Variants in ULK2 observed in about 807,000 individuals in gnomAD.
The protein encoded by ULK2 is unc-51 like autophagy activating kinase 2.
Under a neutral mutation model 127.5 loss-of-function variants are expected in ULK2, and 76 were observed. The ratio of observed to expected loss-of-function variants is 0.60; its 90% CI spans 0.50 to 0.72. The LOEUF (loss-of-function observed/expected upper bound fraction) is 0.72. Among genes scored for constraint, ULK2 ranks in the 30% least tolerant of loss-of-function variants. The pLI is 0.00. For synonymous variants in ULK2, 452 were observed against 461.9 expected, an observed-to-expected ratio of 0.98 and a Z score of 0.28; for missense variants, 1,144 against 1,295.9, an observed-to-expected ratio of 0.88 and a Z score of 1.80.
chr17:19,830,540 T>A lies in ULK2; in HGVS notation c.788-4354A>T, dbSNP rs999099260. 3.3e-5 allele frequency among the ~76,000 whole-genome samples: 5 copies of A among 151,486 alleles called. 1 individual carries two copies. Among genetic ancestry groups the A allele is most frequent in the Admixed American group, 1.3e-4 (2 of 15,166 alleles). ...AGATTGTAATCACGGTGACTGATTA[T>A]CTTTTCCAATCACAATGGAATAAAA... On this transcript the variant is annotated intron_variant, in intron 10 of 26. Coordinates refer to ENST00000395544, the MANE Select transcript of ULK2 (RefSeq NM_014683.4).
chr17:19,828,052 T>C (rs966437133), intron 10 of ULK2, among the ~76,000 whole-genome samples: 9 of 152,016 alleles, frequency 5.9e-5, no homozygotes, highest in African/African-American at 2.2e-4. Flanking sequence ...GGATCCTTAA[T>C]AAGAATATCA....
rs2086786305 is a variant in ULK2, at chr17:19,774,748, C to T, written c.*1601G>A. 1 of 152,564 alleles carries T rather than the reference C, an allele frequency of 6.6e-6. No individual in the cohort carries two copies. 9.5% of individuals were successfully genotyped at this position (152,564 alleles called of 1,614,324 possible). A position where few individuals can be genotyped will look rare whatever the true frequency, so the allele number is the denominator to read the frequency against. ...TATGTACCCAGCTACACCCTAGAAACACTTTGTCAGTTTTATTTTACCTTA... is the reference window on the plus strand; with the variant it reads ...TATGTACCCAGCTACACCCTAGAAATACTTTGTCAGTTTTATTTTACCTTA... On this transcript the variant is annotated 3_prime_UTR_variant, in exon 27 of 27. Transcript: ENST00000395544.
At chr17:19,827,948 T>C (rs2041337879) in intron 10 of ULK2, among the ~76,000 whole-genome samples, 1 of 148,134 alleles carries the variant, frequency 6.8e-6, no homozygotes, top group South Asian at 2.1e-4. Flanking sequence ...AACTTTAAGA[T>C]AAACTGATGA....
At chr17:19,802,638 CTG>C (rs1178911724) in intron 15 of ULK2, among the ~76,000 whole-genome samples, 7 of 152,266 alleles carry the variant, frequency 4.6e-5, no homozygotes, top group African/African-American at 1.4e-4. Flanking sequence ...AGATGTGTAA[CTG>C]TGAAAGGAAG....
intron 3 of ULK2, among the ~76,000 whole-genome samples, chr17:19,853,208 C>T (rs1423275439): frequency 1.3e-5 from 2 of 150,420 alleles, no homozygotes; most frequent in Admixed American, 6.7e-5. Flanking sequence ...GATGTTGGCT[C>T]ACTGTAACCT....
At chr17:19,831,869 T>C (rs1417319450) in intron 10 of ULK2, among the ~76,000 whole-genome samples, 1 of 151,914 alleles carries the variant, frequency 6.6e-6, no homozygotes, top group Non-Finnish European at 1.5e-5. Context: ...CTCACACTTG[T>C]AATCCCAGTA....
intron 14 of ULK2, among the ~76,000 whole-genome samples, chr17:19,808,825 T>G (rs908948894): frequency 6.6e-6 from 1 of 152,346 alleles, no homozygotes. Context: ...CACTGTTGGT[T>G]GGACTGTAAA....
At position 19,810,426 on chromosome 17, in the gene ULK2, A is replaced by G; in HGVS notation, c.1109T>C (p.Val370Ala). The change falls in exon 14 of 27, where the codon GTG (valine) becomes GCG (alanine). Residue 370 changes from valine (V) to alanine (A), a missense_variant. By Grantham distance (64) the Val-to-Ala change is moderately conservative. Around this residue, in one of 2 missense-constraint regions of ULK2, gnomAD observed 913 missense variants for 970.5 expected, o/e 0.94. Transcript: ENST00000395544. ...ISSDHSCDMP[V>A]GTAGRRASNE... Reference sequence around the variant, plus strand: ...TGAAGCACGTCTGCCAGCAGTCCCCACTGGCATATCACCTAAAGGAGAGAA... The same window carrying G: ...TGAAGCACGTCTGCCAGCAGTCCCCGCTGGCATATCACCTAAAGGAGAGAA... The G allele has an allele frequency of 1.2e-6, 2 of 1,607,486 alleles. No individual in the cohort carries two copies. Among genetic ancestry groups the G allele is most frequent in the South Asian group, 1.1e-5 (1 of 90,540 alleles).
At chr17:19,795,373 A>AAAAAT (rs869311186) in intron 20 of ULK2, among the ~76,000 whole-genome samples, 5 of 150,580 alleles carry the variant, frequency 3.3e-5, no homozygotes, top group African/African-American at 7.3e-5. Flanking sequence ...AAAAAAAAAA[A>AAAAAT]TCTTCGTCAG....
intron 14 of ULK2, among the ~76,000 whole-genome samples, chr17:19,807,183 T>C (rs1445706743): frequency 6.6e-6 from 1 of 152,178 alleles, no homozygotes; most frequent in Non-Finnish European, 1.5e-5. Flanking sequence ...CTCATGCTCA[T>C]GAGGCTGTGT....
rs1224518708 is a variant in ULK2, at chr17:19,772,687, A to C, written c.*3662T>G. ...AAAACATGTGCTAACCACTAATATC[A>C]ACATTAAGGATAGCCCGGGCGCGGT... On this transcript the variant is annotated 3_prime_UTR_variant, in exon 27 of 27. Coordinates refer to ENST00000395544, the MANE Select transcript of ULK2 (RefSeq NM_014683.4). The C allele has an allele frequency of 6.6e-6, 1 of 152,268 alleles. No homozygotes were observed. Among genetic ancestry groups the C allele is most frequent in the East Asian group, 1.9e-4 (1 of 5,204 alleles). The allele number at this position is 152,268 out of a possible 1,614,324, so 9.4% of individuals were successfully genotyped here.
intron 3 of ULK2, among the ~76,000 whole-genome samples, chr17:19,862,293 CGCCATGTTG>C (rs1567732652): frequency 2.0e-5 from 3 of 151,938 alleles, no homozygotes; most frequent in African/African-American, 7.3e-5. Context: ...GACAGAGTTT[CGCCATGTTG>C]GCCAGGCTGG....
At chr17:19,777,325 G>A (rs754066834) in intron 26 of ULK2, among the ~76,000 whole-genome samples, 3 of 152,198 alleles carry the variant, frequency 2.0e-5, no homozygotes, top group Non-Finnish European at 2.9e-5. Flanking sequence ...GGCTGGTCTT[G>A]CACTCCTGAG....
At chr17:19,867,256 G>T in intron 1 of ULK2, 72 bp downstream of exon 1, 1 of 1,260,360 alleles carries the variant, frequency 7.9e-7, no homozygotes, top group Non-Finnish European at 1.1e-6. Flanking sequence ...GCTCGCGGCT[G>T]CGCCAAGTTT....
chr17:19,816,239 C>T (rs2040985923), intron 13 of ULK2, among the ~76,000 whole-genome samples: 1 of 152,150 alleles, frequency 6.6e-6, no homozygotes, highest in Non-Finnish European at 1.5e-5. Context: ...CCTAATATCT[C>T]TTTTTTGTAG....
chr17:19,855,326 C>T lies in ULK2; in HGVS notation c.226-5552G>A, dbSNP rs550480177. On this transcript the variant is annotated intron_variant, in intron 3 of 26. Transcript: ENST00000395544. ...GGCTGAGGCAGGAGAATGGCGTGAA[C>T]CCGGGAGGCAGAGCTTGCAGTGAGC... Among the ~76,000 whole-genome samples, 70 of 151,978 alleles carry T rather than the reference C, an allele frequency of 4.6e-4. 1 individual carries two copies. The South Asian group carries it at 0.015, about 32-fold the overall frequency.
At chr17:19,858,625 T>C (rs1366952915) in intron 3 of ULK2, among the ~76,000 whole-genome samples, 1 of 151,544 alleles carries the variant, frequency 6.6e-6, no homozygotes, top group African/African-American at 2.4e-5. Flanking sequence ...AGAAGAAATG[T>C]AAAAAGACAA....
intron 10 of ULK2, among the ~76,000 whole-genome samples, chr17:19,834,109 A>G (rs567811312): frequency 1.3e-5 from 2 of 152,306 alleles, no homozygotes; most frequent in South Asian, 4.1e-4. Context: ...AGTAAGATTA[A>G]CAGGTGACTT....
chr17:19,789,009 G>A (rs1419347196), intron 20 of ULK2, among the ~76,000 whole-genome samples: 3 of 152,196 alleles, frequency 2.0e-5, no homozygotes, highest in Non-Finnish European at 4.4e-5. Context: ...GGTGCCTGGG[G>A]TACTTGTTGC....
Sources: allele counts gnomAD v4.1 joint callset (sites outside exome capture counted in the v4.1 genomes callset), GRCh38; gene constraint gnomAD v4.1.1; regional missense constraint gnomAD v4.1.1; transcripts MANE v1.5; gene names NCBI Gene and HGNC (gene_info 2026-07-23, HGNC 2026-07-21).